Variants in TULP4 observed in about 807,000 individuals in gnomAD.
The protein encoded by TULP4 is tubby-related protein 4.
In TULP4, 16 loss-of-function variants were observed where a neutral mutation model predicts 129.0. The observed-to-expected ratio is 0.12, with a 90% confidence interval of 0.08 to 0.19. The LOEUF (loss-of-function observed/expected upper bound fraction) is 0.19. Among genes scored for constraint, TULP4 ranks in the 10% least tolerant of loss-of-function variants. The probability of loss-of-function intolerance (pLI) is 1.00; values close to 1 mark genes in which losing one functional copy is unlikely to be tolerated. For synonymous variants in TULP4, 998 were observed against 854.0 expected (o/e 1.17, Z -2.94); for missense variants, 1,842 against 2,059.1 (o/e 0.89, Z 2.04).
intron 1 of TULP4, among the ~76,000 whole-genome samples, chr6:158,268,472 C>T (rs1778490843): frequency 6.6e-6 from 1 of 152,246 alleles, no homozygotes; most frequent in East Asian, 1.9e-4. Flanking sequence ...ATACCTTAGA[C>T]TGGGTAATTT....
At chr6:158,377,847 A>G (rs575881315) in intron 1 of TULP4, among the ~76,000 whole-genome samples, 1 of 152,328 alleles carries the variant, frequency 6.6e-6, no homozygotes, top group East Asian at 1.9e-4. Context: ...TAATATGAGA[A>G]ACCATTCCAA....
chr6:158,490,529 A>G (rs1485045221), intron 9 of TULP4, among the ~76,000 whole-genome samples: 4 of 152,226 alleles, frequency 2.6e-5, no homozygotes, highest in African/African-American at 9.6e-5. Context: ...TGATGCCATG[A>G]AAAACTAAGG....
intron 1 of TULP4, among the ~76,000 whole-genome samples, chr6:158,239,338 G>T (rs1470191157): frequency 1.7e-5 from 1 of 60,456 alleles, no homozygotes; most frequent in Non-Finnish European, 3.7e-5. Context: ...CCTCCCGGAC[G>T]GGGCGGCTGG....
chr6:158,455,475 G>A (rs1185171558), intron 5 of TULP4, among the ~76,000 whole-genome samples: 3 of 151,658 alleles, frequency 2.0e-5, no homozygotes, highest in Admixed American at 6.6e-5. Flanking sequence ...GGTGGCTCAC[G>A]CCTGTAATCC....
At chr6:158,335,062 G>A (rs1489446180) in intron 1 of TULP4, among the ~76,000 whole-genome samples, 1 of 152,136 alleles carries the variant, frequency 6.6e-6, no homozygotes, top group South Asian at 2.1e-4. Flanking sequence ...CGGATCACAA[G>A]GTCAGGAGTT....
At chr6:158,451,170 C>T (rs1456866586) in intron 4 of TULP4, among the ~76,000 whole-genome samples, 1 of 152,184 alleles carries the variant, frequency 6.6e-6, no homozygotes, top group Non-Finnish European at 1.5e-5. Context: ...GAACAGAATT[C>T]AGTCCCTGGT....
chr6:158,454,028 C>CCG lies in TULP4; in HGVS notation c.859+1761_859+1762insGC, dbSNP rs1562573001. Among the ~76,000 whole-genome samples the CCG allele has an allele frequency of 9.4e-5, 14 of 148,944 alleles. 2 individuals carry two copies. The highest frequency in any genetic ancestry group is 2.0e-4 in the African/African-American group (8 of 40,038). On this transcript the variant is annotated intron_variant, in intron 5 of 13. Coordinates refer to ENST00000367097, the MANE Select transcript of TULP4 (RefSeq NM_020245.5). ...CATACCTGCCTCTGCACCGCCCCCC[C>CCG]CCAAGTAATTACTCTATTTTTAAAC...
At chr6:158,266,043 G>C (rs1173519293) in intron 1 of TULP4, among the ~76,000 whole-genome samples, 1 of 152,112 alleles carries the variant, frequency 6.6e-6, no homozygotes, top group African/African-American at 2.4e-5. Context: ...ATTTGTAAAA[G>C]GGGGAAAATC....
chr6:158,348,155 C>CTTTTTTTTTTTTTTTGGT (rs66811333), intron 1 of TULP4, among the ~76,000 whole-genome samples: 1 of 121,656 alleles, frequency 8.2e-6, no homozygotes, highest in Admixed American at 8.9e-5. Context: ...ATGTTTTGGT[C>CTTTTTTTTTTTTTTTGGT]TTTTTTTTTT....
intron 2 of TULP4, among the ~76,000 whole-genome samples, chr6:158,421,949 G>T (rs1477909023): frequency 2.0e-5 from 3 of 152,146 alleles, no homozygotes; most frequent in Non-Finnish European, 4.4e-5. Flanking sequence ...GTCCTTCATT[G>T]TATACCGGAA....
At position 158,503,082 on chromosome 6, in the gene TULP4, C is replaced by T. The variant is rs1780505054; in HGVS notation, c.3419C>T (p.Ala1140Val). ...GTTTGGGTTCCTCAAGAAAGGACAG[C>T]ACAGACTTCAGGGCCCAACCCCTTA... Reference protein sequence around the residue: ...EDVWVPQERTAQTSGPNPLKL... With the variant: ...EDVWVPQERTVQTSGPNPLKL... Residue 1140 changes from alanine (A) to valine (V), a missense_variant, in exon 13 of 14, where the codon GCA becomes GTA. Ala to Val is a moderately conservative substitution (Grantham distance 64). Coordinates refer to ENST00000367097, the MANE Select transcript of TULP4 (RefSeq NM_020245.5). The surrounding 1 kb of genome is among the most constrained non-coding windows in gnomAD (Gnocchi z 4.3). 1.2e-6 allele frequency: 2 copies of T among 1,614,020 alleles called. No individual in the cohort carries two copies. Among genetic ancestry groups the T allele is most frequent in the South Asian group, 2.2e-5 (2 of 91,086 alleles).
chr6:158,498,550 C>T lies in TULP4; in HGVS notation c.1871-119C>T, dbSNP rs1003375563. 17 of 1,289,904 alleles carry T rather than the reference C, an allele frequency of 1.3e-5. No homozygotes were observed. In the African/African-American group the frequency reaches 1.3e-4, roughly 10 times the overall value. 79.9% of individuals were successfully genotyped at this position (1,289,904 alleles called of 1,614,324 possible). A position where few individuals can be genotyped will look rare whatever the true frequency, so the allele number is the denominator to read the frequency against. ...TCTCAGCCTCTGGGCCCTGCCTACA[C>T]AGATCTGTCTTCTGATGGCAGGGAA... On this transcript the variant is annotated intron_variant, in intron 11 of 13. Coordinates refer to ENST00000367097, the MANE Select transcript of TULP4 (RefSeq NM_020245.5).
intron 1 of TULP4, among the ~76,000 whole-genome samples, chr6:158,300,683 C>T (rs1297106983): frequency 1.3e-5 from 2 of 152,140 alleles, no homozygotes; most frequent in Non-Finnish European, 2.9e-5. Context: ...TGGCAAGTAG[C>T]CCAAATAAAA....
intron 1 of TULP4, among the ~76,000 whole-genome samples, chr6:158,346,261 G>C (rs1218278931): frequency 1.3e-5 from 2 of 152,206 alleles, no homozygotes; most frequent in African/African-American, 4.8e-5. Flanking sequence ...ACAGGATTAA[G>C]AGATTAAAGT....
intron 1 of TULP4, among the ~76,000 whole-genome samples, chr6:158,368,110 A>ATTGAG (rs1277962868): frequency 6.8e-6 from 1 of 147,718 alleles, no homozygotes; most frequent in Non-Finnish European, 1.5e-5. Flanking sequence ...AATCTGACAG[A>ATTGAG]TTGAGTTGTA....
At chr6:158,456,733 C>G (rs1450113048) in intron 5 of TULP4, among the ~76,000 whole-genome samples, 1 of 151,736 alleles carries the variant, frequency 6.6e-6, no homozygotes, top group East Asian at 1.9e-4. Context: ...ACGTGGGAGG[C>G]CGAGGTGGGA....
At chr6:158,254,212 G>T (rs58107476) in intron 1 of TULP4, among the ~76,000 whole-genome samples, 11 of 151,992 alleles carry the variant, frequency 7.2e-5, no homozygotes, top group Non-Finnish European at 1.6e-4. Flanking sequence ...GCATGATCTC[G>T]GCTCACTGCA....
rs546491988 is a variant in TULP4 at position 158,511,752 on chromosome 6, C to T, written c.*5058C>T. 1 of 152,310 alleles carries T rather than the reference C, an allele frequency of 6.6e-6. No homozygotes were observed. Among genetic ancestry groups the T allele is most frequent in the East Asian group, 1.9e-4 (1 of 5,192 alleles). The allele number at this position is 152,310 out of a possible 1,614,324, so 9.4% of individuals were successfully genotyped here. On this transcript the variant is annotated 3_prime_UTR_variant, in exon 14 of 14. Coordinates refer to ENST00000367097, the MANE Select transcript of TULP4 (RefSeq NM_020245.5). ...CTTTATTACTGAGACGGATTAATCTCCTTATTTTTTTCTTGATGATTTGAA... is the reference window on the plus strand; with the variant it reads ...CTTTATTACTGAGACGGATTAATCTTCTTATTTTTTTCTTGATGATTTGAA...
intron 1 of TULP4, among the ~76,000 whole-genome samples, chr6:158,235,940 G>A (rs1275809144): frequency 6.6e-6 from 1 of 152,146 alleles, no homozygotes; most frequent in Non-Finnish European, 1.5e-5. Flanking sequence ...GACCCATGGG[G>A]GATAAAACCA....
Sources: allele counts gnomAD v4.1 joint callset (sites outside exome capture counted in the v4.1 genomes callset), GRCh38; gene constraint gnomAD v4.1.1; non-coding constraint Gnocchi (gnomAD v3.1); transcripts MANE v1.5; gene names NCBI Gene and HGNC (gene_info 2026-07-23, HGNC 2026-07-21).